TRPM4: variants seen among roughly 807,000 people sequenced by gnomAD.
The protein encoded by TRPM4 is calcium-activated non-selective cation channel 1.
A neutral mutation model predicts 135.6 loss-of-function variants in TRPM4; 124 were observed. The observed-to-expected ratio is 0.91, with a 90% confidence interval of 0.79 to 1.06. The LOEUF is 1.06. Among genes scored for constraint, TRPM4 ranks in the 50% least tolerant of loss-of-function variants. TRPM4 has a pLI of 0.00. For synonymous variants in TRPM4, 745 were observed against 705.6 expected (o/e 1.06, Z -0.88); for missense variants, 1,658 against 1,671.4 (o/e 0.99, Z 0.14).
chr19:49,171,443 C>G lies in TRPM4; in HGVS notation c.858+25C>G. 6.2e-7 allele frequency: 1 copy of G among 1,613,804 alleles called. No individual in the cohort carries two copies. The highest frequency in any genetic ancestry group is 8.5e-7 in the Non-Finnish European group (1 of 1,179,872). ...GGTATAGGGGCCCGGATGCCCGGAT[C>G]TAAGGGGGAAGGAGGGTTGGGGGCC... On this transcript the variant is annotated intron_variant, in intron 7 of 24. Coordinates refer to ENST00000252826, the MANE Select transcript of TRPM4 (RefSeq NM_017636.4). The surrounding 1 kb of genome is among the most constrained non-coding windows in gnomAD (Gnocchi z 4.7).
In TRPM4 at chr19:49,166,012, G is replaced by A. The variant is rs762324445; in HGVS notation, c.93-29G>A. On this transcript the variant is annotated intron_variant, in intron 2 of 24. Transcript: ENST00000252826. ...GGTGCTGGGGTCGGGGGGCAGCCCT[G>A]GGTTCACGCTCCGCCCTCGCACCCC... 17 of 1,566,910 alleles carry A rather than the reference G, an allele frequency of 1.1e-5. No individual in the cohort carries two copies. The African/African-American group carries it at 1.9e-4, about 17-fold the overall frequency.
chr19:49,158,772 C>G, intron 2 of TRPM4: 1 of 162,238 alleles, frequency 6.2e-6, no homozygotes, highest in Non-Finnish European at 1.3e-5. Flanking sequence ...CTCATCTGGG[C>G]ATCAAAAGAG....
At position 49,181,443 on chromosome 19, in the gene TRPM4, G is replaced by A. The variant is rs1170430691; in HGVS notation, c.1245G>A (p.Arg415=). 1 of 1,613,700 alleles carries A rather than the reference G, an allele frequency of 6.2e-7. No individual in the cohort carries two copies. Among genetic ancestry groups the A allele is most frequent in the Non-Finnish European group, 8.5e-7 (1 of 1,179,962 alleles). The change falls in exon 10 of 25, where the codon CGG becomes CGA. Residue 415 remains arginine (R), a synonymous_variant. Coordinates refer to ENST00000252826, the MANE Select transcript of TRPM4 (RefSeq NM_017636.4). ...ACATTGCCCAGAGTGAACTCTTTCG[G>A]GGGGACATCCAATGGCGGGTGAGGG... The part of the protein sequence containing the change: ...RVDIAQSELF[R]GDIQWRSFHL...
intron 9 of TRPM4, among the ~76,000 whole-genome samples, chr19:49,180,837 C>G (rs117542707): frequency 6.6e-6 from 1 of 152,100 alleles, no homozygotes; most frequent in East Asian, 1.9e-4. Context: ...ATCCATCTAT[C>G]CATCCATCCG....
Position 49,183,069 on chromosome 19 carries a change from TG to T in TRPM4, c.1609-8del. The T allele has an allele frequency of 1.2e-6, 2 of 1,611,448 alleles. No individual in the cohort carries two copies. Among genetic ancestry groups the T allele is most frequent in the Admixed American group, 1.7e-5 (1 of 60,014 alleles). On this transcript the variant is annotated splice_polypyrimidine_tract_variant and splice_region_variant and intron_variant, in intron 11 of 24. Coordinates refer to ENST00000252826, the MANE Select transcript of TRPM4 (RefSeq NM_017636.4). ...GGCTGGTCCTCACCACCCCTCCTTT[TG>T]CTGGCAGATGTATCTGCTCTCGGAC...
chr19:49,170,887 GCCTGGGCAAGATGGCAAGACC>G (rs1323360612), intron 6 of TRPM4, among the ~76,000 whole-genome samples: 1 of 151,900 alleles, frequency 6.6e-6, no homozygotes, highest in African/African-American at 2.4e-5. Flanking sequence ...TTCGAGACCA[GCCTGGGCAAGATGGCAAGACC>G]CCTGTCTCTA....
chr19:49,196,432 C>T lies in TRPM4; in HGVS notation c.2211-8C>T, dbSNP rs918288175. ...AGGCCTCCTCCCTTCTCTTCTCTTCCCCCACAGGACGGCGGACCCAGCCGA... is the reference window on the plus strand; with the variant it reads ...AGGCCTCCTCCCTTCTCTTCTCTTCTCCCACAGGACGGCGGACCCAGCCGA... On this transcript the variant is annotated splice_region_variant and splice_polypyrimidine_tract_variant and intron_variant, in intron 16 of 24. Transcript: ENST00000252826. 7.2e-6 allele frequency: 11 copies of T among 1,533,734 alleles called. No individual in the cohort carries two copies. Among genetic ancestry groups the T allele is most frequent in the Admixed American group, 2.1e-5 (1 of 47,264 alleles).
chr19:49,180,860 TC>T lies in TRPM4; in HGVS notation c.1151-488del, dbSNP rs1362309571. Among the ~76,000 whole-genome samples, 7 of 152,018 alleles carry T rather than the reference TC, an allele frequency of 4.6e-5. No homozygotes were observed. The South Asian group carries it at 6.2e-4, about 14-fold the overall frequency. ...ATCCATCCATCCGTTCATTCATCCA[TC>T]TCTTTATCCTTTCATCCATCCATTT... is the stretch of plus-strand genomic sequence containing the variant. On this transcript the variant is annotated intron_variant, in intron 9 of 24. Coordinates refer to ENST00000252826, the MANE Select transcript of TRPM4 (RefSeq NM_017636.4).
Position 49,193,080 on chromosome 19 carries a change from G to GGTTTTTTTTTTTTTTTTTTTTTTTTT in TRPM4, c.2210+2307_2210+2308insGTTTTTTTTTTTTTTTTTTTTTTTTT, listed in dbSNP as rs544387196. ...GCTCAATTCTTTTGAAAATCAGTTG[G>GGTTTTTTTTTTTTTTTTTTTTTTTTT]TTTTTTTTTTTTTTTTTTGAGATGG... On this transcript the variant is annotated intron_variant, in intron 16 of 24. Transcript: ENST00000252826. Among the ~76,000 whole-genome samples, 2 of 132,800 alleles carry GGTTTTTTTTTTTTTTTTTTTTTTTTT rather than the reference G, an allele frequency of 1.5e-5. 1 individual carries two copies. Among genetic ancestry groups the GGTTTTTTTTTTTTTTTTTTTTTTTTT allele is most frequent in the African/African-American group, 5.6e-5 (2 of 35,908 alleles). 87.1% of individuals were successfully genotyped at this position (132,800 alleles called of 152,430 possible).
chr19:49,179,795 G>A (rs1330810464), intron 9 of TRPM4, among the ~76,000 whole-genome samples: 1 of 152,220 alleles, frequency 6.6e-6, no homozygotes. Context: ...AAAGCCATGA[G>A]GTCCTAGACA....
chr19:49,174,314 G>A (rs546117746), intron 9 of TRPM4, among the ~76,000 whole-genome samples: 4 of 152,172 alleles, frequency 2.6e-5, no homozygotes, highest in South Asian at 4.1e-4. Flanking sequence ...CATCATGCCC[G>A]GCTGATTTTT....
chr19:49,211,401 C>T lies in TRPM4; in HGVS notation c.3641-93C>T, dbSNP rs1184925451. ...TCCTTTGAGCCTTTTGTACTCTCGC[C>T]TTCGTCTTTCTTCTTTTTTGCCAGT... On this transcript the variant is annotated intron_variant, in intron 24 of 24. Coordinates refer to ENST00000252826, the MANE Select transcript of TRPM4 (RefSeq NM_017636.4). This position sits in a 1 kb window ranked among gnomAD's most constrained non-coding sequence, Gnocchi z 4.8. 1.2e-6 allele frequency: 2 copies of T among 1,602,418 alleles called. No individual in the cohort carries two copies. The highest frequency in any genetic ancestry group is 1.7e-5 in the Admixed American group (1 of 59,988).
At chr19:49,177,760 A>G (rs921246677) in intron 9 of TRPM4, among the ~76,000 whole-genome samples, 1 of 145,008 alleles carries the variant, frequency 6.9e-6, no homozygotes, top group Non-Finnish European at 1.6e-5. Context: ...TGAGGCTCAG[A>G]GAGAGGAAAA....
rs898076804 is a variant in TRPM4, at chr19:49,200,520, C to G, written c.2778+88C>G. On this transcript the variant is annotated intron_variant, in intron 18 of 24. Transcript: ENST00000252826. ...AGTGGTCCGTGGAGAAGGGGCGTGA[C>G]TTTGGGGAGCAATGGGGCGTGTTTT... The G allele has an allele frequency of 1.9e-6, 3 of 1,592,604 alleles. No homozygotes were observed. In the African/African-American group the frequency reaches 4.1e-5, roughly 22 times the overall value.
intron 20 of TRPM4, among the ~76,000 whole-genome samples, chr19:49,205,856 C>T (rs1315930893): frequency 2.0e-5 from 3 of 151,846 alleles, no homozygotes; most frequent in South Asian, 4.2e-4. Context: ...ATATCTTTAG[C>T]GGGATACAAT....
At chr19:49,206,605 A>G (rs1189504309) in intron 20 of TRPM4, among the ~76,000 whole-genome samples, 1 of 151,334 alleles carries the variant, frequency 6.6e-6, no homozygotes, top group Non-Finnish European at 1.5e-5. Flanking sequence ...ACGCCCGGCT[A>G]ATTTTGTATT....
intron 3 of TRPM4, among the ~76,000 whole-genome samples, chr19:49,166,908 G>GTC (rs1967211685): frequency 7.1e-6 from 1 of 140,396 alleles, no homozygotes; most frequent in African/African-American, 2.7e-5. Context: ...CTGGGTCTCT[G>GTC]TCTGTTTCTC....
intron 14 of TRPM4, 133 bp from the exon 15 acceptor site, chr19:49,190,075 C>T: frequency 2.5e-6 from 2 of 791,630 alleles, no homozygotes; most frequent in Non-Finnish European, 4.4e-6. Context: ...CACCGTTTCC[C>T]TACCTCAATA....
At chr19:49,193,080 G>GTTT (rs1555758685) in intron 16 of TRPM4, among the ~76,000 whole-genome samples, 14 of 132,790 alleles carry the variant, frequency 1.1e-4, no homozygotes, top group African/African-American at 1.1e-4. Flanking sequence ...AAATCAGTTG[G>GTTT]TTTTTTTTTT....
Sources: gnomAD v4.1 joint callset for allele counts (sites outside exome capture counted in the v4.1 genomes callset) on GRCh38, gnomAD v4.1.1 for gene constraint, Gnocchi (gnomAD v3.1) non-coding constraint, MANE v1.5 for transcripts, NCBI Gene and HGNC (gene_info 2026-07-23, HGNC 2026-07-21) for gene names.